The following SH3BGR variants were observed in gnomAD, a reference collection of about 807,000 sequenced individuals.
The protein encoded by SH3BGR is SH3 domain-binding glutamic acid-rich protein.
Under a neutral mutation model 24.5 loss-of-function variants are expected in SH3BGR, and 29 were observed. The ratio of observed to expected loss-of-function variants is 1.18; its 90% CI spans 0.88 to 1.61. The LOEUF (loss-of-function observed/expected upper bound fraction) is 1.61. SH3BGR is among the 40% of genes most tolerant of loss of function. The pLI, the probability that SH3BGR is intolerant of heterozygous loss-of-function variation, is 0.00. For missense variants in SH3BGR, 162 were observed against 205.8 expected (o/e 0.79, Z 1.30); for synonymous variants, 55 against 65.7 (o/e 0.84, Z 0.79).
At chr21:39,489,746 T>C (rs1010931133) in intron 3 of SH3BGR, among the ~76,000 whole-genome samples, 1 of 152,300 alleles carries the variant, frequency 6.6e-6, no homozygotes, top group Admixed American at 6.5e-5. Flanking sequence ...AAAAATAGTA[T>C]GCCAGGGCTA....
intron 1 of SH3BGR, among the ~76,000 whole-genome samples, chr21:39,453,315 G>A (rs1256613194): frequency 6.6e-6 from 1 of 152,204 alleles, no homozygotes; most frequent in Non-Finnish European, 1.5e-5. Context: ...CACTCCAAAT[G>A]TGAAACTCTG....
upstream of SH3BGR, among the ~76,000 whole-genome samples, chr21:39,448,832 A>G (rs1056556842): frequency 3.9e-5 from 6 of 152,160 alleles, no homozygotes; most frequent in Non-Finnish European, 8.8e-5. Flanking sequence ...AAAATTTCCA[A>G]CTGACCCCGA....
At chr21:39,476,249 G>A (rs977831180) in intron 3 of SH3BGR, among the ~76,000 whole-genome samples, 13 of 152,232 alleles carry the variant, frequency 8.5e-5, no homozygotes, top group African/African-American at 2.4e-4. Flanking sequence ...GGAGGAGCTT[G>A]GCTCTTTACA....
intron 4 of SH3BGR, among the ~76,000 whole-genome samples, chr21:39,503,723 T>A (rs2078535877): frequency 6.6e-6 from 1 of 152,252 alleles, no homozygotes; most frequent in Non-Finnish European, 1.5e-5. Context: ...TGATATGGAC[T>A]TCCCCTGACC....
chr21:39,504,254 C>G (rs952643206), intron 4 of SH3BGR, among the ~76,000 whole-genome samples: 5 of 152,180 alleles, frequency 3.3e-5, no homozygotes, highest in Non-Finnish European at 5.9e-5. Context: ...TTTCAAGGGG[C>G]AAACATTGAT....
chr21:39,482,430 TGG>T (rs1005226336), intron 3 of SH3BGR, among the ~76,000 whole-genome samples: 1 of 152,166 alleles, frequency 6.6e-6, no homozygotes, highest in African/African-American at 2.4e-5. Context: ...GCAGGCAACT[TGG>T]GGAATTTGGA....
At chr21:39,503,409 C>A (rs2078529816) in intron 4 of SH3BGR, among the ~76,000 whole-genome samples, 1 of 151,708 alleles carries the variant, frequency 6.6e-6, no homozygotes, top group Non-Finnish European at 1.5e-5. Context: ...CAAGTTTTTA[C>A]CTTTTTTTTA....
chr21:39,451,545 C>G (rs1180744301), upstream of SH3BGR, among the ~76,000 whole-genome samples: 1 of 152,156 alleles, frequency 6.6e-6, no homozygotes, highest in Non-Finnish European at 1.5e-5. Context: ...CAAAGTTGCT[C>G]TTTACTTAAA....
At chr21:39,507,109 G>A (rs904225832) in intron 4 of SH3BGR, among the ~76,000 whole-genome samples, 2 of 152,152 alleles carry the variant, frequency 1.3e-5, no homozygotes, top group Non-Finnish European at 2.9e-5. Context: ...ACCAAAACTT[G>A]GGGTGTCACC....
At chr21:39,484,060 GATA>G (rs2078171305) in intron 3 of SH3BGR, among the ~76,000 whole-genome samples, 1 of 152,216 alleles carries the variant, frequency 6.6e-6, no homozygotes, top group African/African-American at 2.4e-5. Context: ...AGTGGGTAAA[GATA>G]AGAGCTGAGG....
intron 3 of SH3BGR, among the ~76,000 whole-genome samples, chr21:39,476,039 G>A (rs906644153): frequency 2.4e-4 from 36 of 152,220 alleles, no homozygotes; most frequent in African/African-American, 8.0e-4. Flanking sequence ...AGCTGCGAAC[G>A]CATGTAGATG....
At chr21:39,456,443 C>G (rs534398645) in intron 1 of SH3BGR, among the ~76,000 whole-genome samples, 5 of 152,250 alleles carry the variant, frequency 3.3e-5, no homozygotes, top group Admixed American at 6.5e-5. Context: ...GTAGAGAATG[C>G]GATTAATTAA....
At chr21:39,461,198 G>T (rs376590814) in intron 1 of SH3BGR, among the ~76,000 whole-genome samples, 2 of 148,644 alleles carry the variant, frequency 1.3e-5, no homozygotes, top group Non-Finnish European at 3.0e-5. Context: ...GTGCAGTGGC[G>T]CAATCTTGGC....
At chr21:39,467,793 G>T (rs1219579628) in intron 2 of SH3BGR, among the ~76,000 whole-genome samples, 3 of 152,176 alleles carry the variant, frequency 2.0e-5, no homozygotes, top group Non-Finnish European at 4.4e-5. Flanking sequence ...GCAGTGAGGG[G>T]ATTGGACATC....
At chr21:39,483,148 G>A (rs574704250) in intron 3 of SH3BGR, among the ~76,000 whole-genome samples, 4 of 152,308 alleles carry the variant, frequency 2.6e-5, no homozygotes, top group South Asian at 2.1e-4. Context: ...GCAAATGGCC[G>A]TGTCCAAAGT....
Position 39,515,068 on chromosome 21 carries a change from ATAT to A in SH3BGR, c.*35-18_*35-16del. ...TGTCTTTCTCTACAGTCTTTCCCTA[ATAT>A]TTGCCTTTTCTTTTAGAAAATGGAA... On this transcript the variant is annotated splice_polypyrimidine_tract_variant and intron_variant, in intron 6 of 6. Transcript: ENST00000333634. The A allele has an allele frequency of 2.1e-6, 1 of 468,680 alleles. No individual in the cohort carries two copies. The highest frequency in any genetic ancestry group is 4.4e-6 in the Non-Finnish European group (1 of 225,958). The allele number at this position is 468,680 out of a possible 1,614,324, so 29.0% of individuals were successfully genotyped here.
At chr21:39,486,345 T>C (rs966701293) in intron 3 of SH3BGR, among the ~76,000 whole-genome samples, 1 of 152,210 alleles carries the variant, frequency 6.6e-6, no homozygotes, top group Non-Finnish European at 1.5e-5. Context: ...AAATTACTTA[T>C]AAACATAATC....
intron 3 of SH3BGR, among the ~76,000 whole-genome samples, chr21:39,493,808 T>G (rs1260952715): frequency 6.6e-6 from 1 of 152,196 alleles, no homozygotes; most frequent in Non-Finnish European, 1.5e-5. Context: ...TTTTGTAATT[T>G]TCCTTGTAGA....
At chr21:39,491,578 C>T (rs951388994) in intron 3 of SH3BGR, 7 of 271,566 alleles carry the variant, frequency 2.6e-5, no homozygotes, top group Non-Finnish European at 5.0e-5. Context: ...TGGGGCAGCA[C>T]CCGCAGGTCT....
Sources: allele counts gnomAD v4.1 joint callset (sites outside exome capture counted in the v4.1 genomes callset), GRCh38; gene constraint gnomAD v4.1.1; transcripts MANE v1.5; gene names NCBI Gene and HGNC (gene_info 2026-07-23, HGNC 2026-07-21).